Variants in SOCS6 observed in about 807,000 individuals in gnomAD.
SOCS6 encodes the protein STAT induced STAT inhibitor-4.
Under a neutral mutation model 27.7 loss-of-function variants are expected in SOCS6, and 5 were observed. The observed-to-expected ratio is 0.18, with a 90% CI of 0.09 to 0.38. The LOEUF (loss-of-function observed/expected upper bound fraction) is 0.38. SOCS6 is among the 10% of genes least tolerant of loss of function. The pLI is 1.00. For missense variants in SOCS6, 595 were observed against 688.1 expected (o/e 0.86, Z 1.51); for synonymous variants, 271 against 260.0 (o/e 1.04, Z -0.41).
At chr18:70,291,623 A>G (rs2062299882) in intron 1 of SOCS6, among the ~76,000 whole-genome samples, 1 of 152,204 alleles carries the variant, frequency 6.6e-6, no homozygotes, top group African/African-American at 2.4e-5. Context: ...CACATTTAGT[A>G]TGCACTTCGA....
chr18:70,318,171 A>G (rs940520799), intron 1 of SOCS6, among the ~76,000 whole-genome samples: 1 of 151,986 alleles, frequency 6.6e-6, no homozygotes, highest in African/African-American at 2.4e-5. Context: ...TTTATTATAT[A>G]GTTTTTTTTT....
intron 1 of SOCS6, among the ~76,000 whole-genome samples, chr18:70,293,047 A>ACCC (rs201753190): frequency 6.9e-6 from 1 of 145,080 alleles, no homozygotes; most frequent in Non-Finnish European, 1.5e-5. Context: ...TTCCCCCGCC[A>ACCC]CCCCCCCCAA....
At chr18:70,295,346 G>A (rs2062318454) in intron 1 of SOCS6, among the ~76,000 whole-genome samples, 1 of 152,218 alleles carries the variant, frequency 6.6e-6, no homozygotes, top group African/African-American at 2.4e-5. Flanking sequence ...AGTGATTTTT[G>A]TGGTACACAT....
chr18:70,328,349 C>G lies in SOCS6; in HGVS notation c.*2073C>G, dbSNP rs1911287888. On this transcript the variant is annotated 3_prime_UTR_variant, in exon 2 of 2. Transcript: ENST00000397942. ...AATGGCTTCTCCGTGTCTCCAGAAG[C>G]ATTTACATGTCCTCCTTGTGAGATC... The G allele has an allele frequency of 6.0e-6, 1 of 166,788 alleles. No individual in the cohort carries two copies. The highest frequency in any genetic ancestry group is 2.4e-5 in the African/African-American group (1 of 41,416). 10.3% of individuals were successfully genotyped at this position (166,788 alleles called of 1,614,324 possible). A position where few individuals can be genotyped will look rare whatever the true frequency, so the allele number is the denominator to read the frequency against.
intron 1 of SOCS6, among the ~76,000 whole-genome samples, chr18:70,306,780 T>G (rs1393721458): frequency 6.6e-6 from 1 of 152,214 alleles, no homozygotes; most frequent in African/African-American, 2.4e-5. Context: ...ATAAAAAGTT[T>G]TTATCAATAG....
At chr18:70,299,579 G>T (rs561079639) in intron 1 of SOCS6, among the ~76,000 whole-genome samples, 56 of 152,264 alleles carry the variant, frequency 3.7e-4, no homozygotes, top group Non-Finnish European at 6.0e-4. Flanking sequence ...GGTGCTGAAA[G>T]TTCCACACTC....
chr18:70,302,567 T>C (rs537764856), intron 1 of SOCS6, among the ~76,000 whole-genome samples: 162 of 152,246 alleles, frequency 1.1e-3, no homozygotes, highest in African/African-American at 3.8e-3. Context: ...TTTACTAATA[T>C]GGTTTTACCA....
At chr18:70,321,312 GT>G (rs763120236) in intron 1 of SOCS6, among the ~76,000 whole-genome samples, 4,632 of 68,466 alleles carry the variant, frequency 0.068, 44 homozygotes, top group Non-Finnish European at 0.08. Context: ...AATTTTCTCA[GT>G]TTTTTTTTTT....
intron 1 of SOCS6, among the ~76,000 whole-genome samples, chr18:70,308,216 T>TCG (rs2062377001): frequency 6.6e-6 from 1 of 152,126 alleles, no homozygotes; most frequent in South Asian, 2.1e-4. Context: ...TCAGTCTTTT[T>TCG]AAATTTATTG....
At chr18:70,306,563 C>A (rs1310705250) in intron 1 of SOCS6, among the ~76,000 whole-genome samples, 1 of 150,762 alleles carries the variant, frequency 6.6e-6, no homozygotes, top group African/African-American at 2.4e-5. Flanking sequence ...TTCTTCCTTT[C>A]CAATTTGTAT....
intron 1 of SOCS6, among the ~76,000 whole-genome samples, chr18:70,290,230 G>C (rs946903083): frequency 2.0e-5 from 3 of 152,154 alleles, no homozygotes; most frequent in African/African-American, 4.8e-5. Context: ...TGTTCCTTGG[G>C]ATAAAGATAC....
At chr18:70,321,312 G>GTTT (rs763120236) in intron 1 of SOCS6, among the ~76,000 whole-genome samples, 14,435 of 68,646 alleles carry the variant, frequency 0.21, 3,577 homozygotes, top group East Asian at 0.43. Context: ...AATTTTCTCA[G>GTTT]TTTTTTTTTT....
Position 70,324,860 on chromosome 18 carries a change from A to G in SOCS6, c.192A>G (p.Gly64=). Residue 64 remains glycine (G), a synonymous_variant, in exon 2 of 2, where the codon GGA becomes GGG. Transcript: ENST00000397942. The part of the protein sequence containing the change: ...CDINGEDEKG[G]KNRSKSESLM... ...TCAACGGTGAAGATGAAAAAGGCGG[A>G]AAAAACAGATCAAAAAGCGAGAGCC... 1 of 1,614,162 alleles carries G rather than the reference A, an allele frequency of 6.2e-7. No individual in the cohort carries two copies. The highest frequency in any genetic ancestry group is 2.2e-5 in the East Asian group (1 of 44,872).
At chr18:70,310,391 C>T (rs970788951) in intron 1 of SOCS6, among the ~76,000 whole-genome samples, 4 of 151,650 alleles carry the variant, frequency 2.6e-5, no homozygotes, top group African/African-American at 7.3e-5. Context: ...GGGTGATCCT[C>T]CCACCTCAGC....
intron 1 of SOCS6, among the ~76,000 whole-genome samples, chr18:70,292,103 G>A (rs758049308): frequency 6.6e-6 from 1 of 152,098 alleles, no homozygotes; most frequent in Non-Finnish European, 1.5e-5. Flanking sequence ...TTACTTCGTT[G>A]GGGCAGTTGT....
chr18:70,310,985 A>C (rs1280718465), intron 1 of SOCS6, among the ~76,000 whole-genome samples: 3 of 152,334 alleles, frequency 2.0e-5, no homozygotes, highest in Admixed American at 2.0e-4. Flanking sequence ...ATGAGGATTC[A>C]AGAAGTTAAA....
Position 70,325,538 on chromosome 18 carries a change from T to G in SOCS6, c.870T>G (p.Ile290Met), listed in dbSNP as rs1263707275. The change falls in exon 2 of 2, where the codon ATT (isoleucine) becomes ATG (methionine). Residue 290 changes from isoleucine to methionine, a missense_variant. Coordinates refer to ENST00000397942, the MANE Select transcript of SOCS6 (RefSeq NM_004232.4). The surrounding 1 kb of genome is among the most constrained non-coding windows in gnomAD (Gnocchi z 6.3). ...ATCAGTCCGTGAATGGCTTGTTGAT[T>G]GGCACCACGGGAGTCATGTTGCAGA... is the stretch of plus-strand genomic sequence containing the variant. ...FVDQSVNGLLIGTTGVMLQSP... is the reference protein window; with the variant it reads ...FVDQSVNGLLMGTTGVMLQSP... 1 of 1,614,118 alleles carries G rather than the reference T, an allele frequency of 6.2e-7. No homozygotes were observed. The highest frequency in any genetic ancestry group is 8.5e-7 in the Non-Finnish European group (1 of 1,180,024).
chr18:70,316,564 G>C (rs12604945), intron 1 of SOCS6, among the ~76,000 whole-genome samples: 51,774 of 151,776 alleles, frequency 0.34, 9,644 homozygotes, highest in East Asian at 0.73. Context: ...ATTATATTAT[G>C]AATTATACTT....
At chr18:70,295,505 T>G (rs529969283) in intron 1 of SOCS6, among the ~76,000 whole-genome samples, 151 of 152,374 alleles carry the variant, frequency 9.9e-4, no homozygotes, top group African/African-American at 3.3e-3. Context: ...TAATGGTGTT[T>G]GTTTTTAAAG....
Sources: gnomAD v4.1 joint callset for allele counts (sites outside exome capture counted in the v4.1 genomes callset) on GRCh38, gnomAD v4.1.1 for gene constraint, Gnocchi (gnomAD v3.1) non-coding constraint, MANE v1.5 for transcripts, NCBI Gene and HGNC (gene_info 2026-07-23, HGNC 2026-07-21) for gene names.